Variants in MMP8 observed in about 807,000 individuals in gnomAD.
MMP8 encodes the protein neutrophil collagenase.
A neutral mutation model predicts 51.2 loss-of-function variants in MMP8; 67 were observed. That is an observed-to-expected ratio of 1.31 (90% CI 1.08 to 1.60). The LOEUF (loss-of-function observed/expected upper bound fraction) is 1.60. Ranked by LOEUF, MMP8 falls within the 40% of genes most tolerant of loss-of-function variation. MMP8 has a pLI of 0.00. For synonymous variants in MMP8, 225 were observed against 191.0 expected (o/e 1.18, Z -1.47); for missense variants, 654 against 558.1 (o/e 1.17, Z -1.73).
rs760617694 is a variant in MMP8 at position 102,722,715 on chromosome 11, C to T, written c.103-42G>A. 66 of 1,603,804 alleles carry T rather than the reference C, an allele frequency of 4.1e-5. 2 individuals are homozygous for T. The South Asian group carries it at 6.3e-4, about 15-fold the overall frequency. ...ACATAGGGGTCTTGCTGTGAAAGGACCTCCAGTTCTCTGGTCATTTTGCAA... is the reference window on the plus strand; with the variant it reads ...ACATAGGGGTCTTGCTGTGAAAGGATCTCCAGTTCTCTGGTCATTTTGCAA... On this transcript the variant is annotated intron_variant, in intron 1 of 9. Coordinates refer to ENST00000236826, the MANE Select transcript of MMP8 (RefSeq NM_002424.3).
chr11:102,713,931 T>A (rs1591671008), intron 8 of MMP8, 74 bp from the exon 9 acceptor site: 2 of 1,022,396 alleles, frequency 2.0e-6, no homozygotes, highest in East Asian at 5.2e-5. Context: ...TTATTGTATA[T>A]AATTTACAAA....
intron 5 of MMP8, among the ~76,000 whole-genome samples, chr11:102,717,876 G>A (rs36066709): frequency 0.022 from 3,287 of 152,310 alleles, 41 homozygotes; most frequent in Non-Finnish European, 0.036. Flanking sequence ...GGAGGCTGAG[G>A]TGGGCAGATC....
At chr11:102,724,023 C>T in intron 1 of MMP8, 1 of 194,528 alleles carries the variant, frequency 5.1e-6, no homozygotes, top group Non-Finnish European at 1.1e-5. Context: ...GTAGCAGTTG[C>T]CTTGCATAGA....
intron 3 of MMP8, 21 bp downstream of exon 3, chr11:102,721,593 G>A: frequency 6.2e-7 from 1 of 1,613,510 alleles, no homozygotes; most frequent in South Asian, 1.1e-5. Flanking sequence ...GCAAAACTGA[G>A]CATGACTGCT....
chr11:102,713,336 T>G lies in MMP8; in HGVS notation c.*12A>C. On this transcript the variant is annotated 3_prime_UTR_variant, in exon 10 of 10. Transcript: ENST00000236826. ...CATTCTGAAAGTGGATACAGCCACA[T>G]TTGATTTTGCTTCAGCCATATCTAC... 1 of 1,580,982 alleles carries G rather than the reference T, an allele frequency of 6.3e-7. No individual in the cohort carries two copies. The highest frequency in any genetic ancestry group is 8.7e-7 in the Non-Finnish European group (1 of 1,150,566).
In MMP8 at chr11:102,715,383, A is replaced by T. The variant is rs1861260648; in HGVS notation, c.957T>A (p.Ser319=). ...QLQRVEMNFI[S]LFWPSLPTGI... ...CAGTTGGAAGGGATGGCCAGAATAGAGAAATAAAATTCATTTCGACTCTTT... is the reference window on the plus strand; with the variant it reads ...CAGTTGGAAGGGATGGCCAGAATAGTGAAATAAAATTCATTTCGACTCTTT... The change falls in exon 7 of 10, where the codon TCT becomes TCA. Residue 319 remains serine (S), a synonymous_variant. Transcript: ENST00000236826. 6.2e-7 allele frequency: 1 copy of T among 1,613,730 alleles called. No homozygotes were observed. The highest frequency in any genetic ancestry group is 1.1e-5 in the South Asian group (1 of 91,042).
rs1322703871 is a variant in MMP8 at position 102,715,453 on chromosome 11, G to A, written c.903-16C>T. 6.2e-6 allele frequency: 10 copies of A among 1,607,204 alleles called. No homozygotes were observed. The highest frequency in any genetic ancestry group is 8.5e-6 in the Non-Finnish European group (10 of 1,177,140). On this transcript the variant is annotated splice_polypyrimidine_tract_variant and intron_variant, in intron 6 of 9. Transcript: ENST00000236826. ...CCAGAAGTACCTAACGGAACATAAG[G>A]AAACACACACACACACTTATACATA...
chr11:102,721,261 G>A, intron 4 of MMP8, 140 bp downstream of exon 4: 1 of 1,216,502 alleles, frequency 8.2e-7, no homozygotes, highest in Non-Finnish European at 1.1e-6. Flanking sequence ...GTATCATGAG[G>A]TAGCAAAAAT....
At chr11:102,713,953 C>A (rs957446662) in intron 8 of MMP8, 96 bp from the exon 9 acceptor site, 15 of 720,280 alleles carry the variant, frequency 2.1e-5, no homozygotes, top group Non-Finnish European at 3.4e-5. Context: ...TCTCCTCACA[C>A]ATATTTTTTC....
At chr11:102,715,840 C>T (rs1417446714) in intron 6 of MMP8, among the ~76,000 whole-genome samples, 3 of 152,298 alleles carry the variant, frequency 2.0e-5, no homozygotes, top group Admixed American at 6.5e-5. Flanking sequence ...ATAAAAATTT[C>T]GCTCAGTTTG....
Position 102,714,762 on chromosome 11 carries a change from TTATATATATATATATATATA to T in MMP8, c.1037-73_1037-54del, listed in dbSNP as rs58774554. ...ATACGACTTTTCCATTTTTACAAAA[TTATATATATATATATATATA>T]TATATATATATATATATATATATAC... On this transcript the variant is annotated intron_variant, in intron 7 of 9. Transcript: ENST00000236826. The T allele has an allele frequency of 1.1e-3, 196 of 176,634 alleles. 3 individuals carry two copies. Among genetic ancestry groups the T allele is most frequent in the African/African-American group, 4.6e-3 (118 of 25,860 alleles). The allele number at this position is 176,634 out of a possible 1,614,324, so 10.9% of individuals were successfully genotyped here.
At chr11:102,717,520 G>C (rs991159384) in intron 5 of MMP8, among the ~76,000 whole-genome samples, 1 of 152,058 alleles carries the variant, frequency 6.6e-6, no homozygotes, top group Non-Finnish European at 1.5e-5. Flanking sequence ...TTTTCACAAA[G>C]TACCAAGTTT....
chr11:102,713,805 C>A lies in MMP8; in HGVS notation c.1243G>T (p.Gly415Cys). ...MEPGYPKSISGAFPGIESKVD... is the reference protein window; with the variant it reads ...MEPGYPKSISCAFPGIESKVD... Reference sequence around the variant, plus strand: ...TTACTCTCTATTCCTGGAAAGGCACCTGATATGCTTTTGGGATAACCTGGC... The same window carrying A: ...TTACTCTCTATTCCTGGAAAGGCACATGATATGCTTTTGGGATAACCTGGC... The change falls in exon 9 of 10, where the codon GGT (glycine) becomes TGT (cysteine). Residue 415 changes from glycine (G) to cysteine (C), a missense_variant. Gly to Cys is a radical substitution (Grantham distance 159). Coordinates refer to ENST00000236826, the MANE Select transcript of MMP8 (RefSeq NM_002424.3). 6.2e-7 allele frequency: 1 copy of A among 1,612,600 alleles called. No homozygotes were observed. The highest frequency in any genetic ancestry group is 2.2e-5 in the East Asian group (1 of 44,840).
chr11:102,713,460 A>G lies in MMP8; in HGVS notation c.1295-3T>C. ...TCCACTGAAGACATGGAAGAAATCT[A>G]TAAAAAAAGAGAGATAATTTATTGA... On this transcript the variant is annotated splice_region_variant and splice_polypyrimidine_tract_variant and intron_variant, in intron 9 of 9. Coordinates refer to ENST00000236826, the MANE Select transcript of MMP8 (RefSeq NM_002424.3). 6.3e-7 allele frequency: 1 copy of G among 1,596,968 alleles called. No individual in the cohort carries two copies. The highest frequency in any genetic ancestry group is 8.6e-7 in the Non-Finnish European group (1 of 1,164,630).
intron 7 of MMP8, among the ~76,000 whole-genome samples, 180 bp downstream of exon 7, chr11:102,715,124 C>T (rs1861249751): frequency 6.6e-6 from 1 of 151,992 alleles, no homozygotes; most frequent in Admixed American, 6.6e-5. Flanking sequence ...AAGCAAATAA[C>T]CCACTCAGGT....
chr11:102,722,512 C>G lies in MMP8; in HGVS notation c.264G>C (p.Lys88Asn). Residue 88 changes from lysine (K) to asparagine (N), a missense_variant, in exon 2 of 10, where the codon AAG (lysine) becomes AAC (asparagine). By Grantham distance (94) the Lys-to-Asn change is moderately conservative (BLOSUM62 0). Transcript: ENST00000236826. The part of the protein sequence containing the change: ...PNEETLDMMK[K>N]PRCGVPDSGG... ...CACTGTCAGGCACTCCACAGCGAGG[C>G]TTTTTCATCATGTCCAGAGTTTCCT... 1 of 1,613,972 alleles carries G rather than the reference C, an allele frequency of 6.2e-7. No homozygotes were observed.
intron 1 of MMP8, chr11:102,722,882 G>T: frequency 2.0e-6 from 2 of 1,014,536 alleles, no homozygotes; most frequent in Non-Finnish European, 2.8e-6. Context: ...TAATGGTTAT[G>T]CATAAAAAAG....
At position 102,713,701 on chromosome 11, in the gene MMP8, T is replaced by A. The variant is rs957414911; in HGVS notation, c.1294+53A>T. 10 of 1,452,852 alleles carry A rather than the reference T, an allele frequency of 6.9e-6. No individual in the cohort carries two copies. The African/African-American group carries it at 1.4e-4, about 21-fold the overall frequency. 90.0% of individuals were successfully genotyped at this position (1,452,852 alleles called of 1,614,324 possible). ...GTCAGCATAGTAAGACCCTGTCTCC[T>A]CTATAATAAACAAACAAACAACACA... On this transcript the variant is annotated intron_variant, in intron 9 of 9. Coordinates refer to ENST00000236826, the MANE Select transcript of MMP8 (RefSeq NM_002424.3).
At chr11:102,723,383 C>G (rs1565442642) in intron 1 of MMP8, 1 of 378,574 alleles carries the variant, frequency 2.6e-6, no homozygotes, top group East Asian at 7.3e-5. Context: ...CTGTGAACAC[C>G]TGGCACCTTG....
Sources: gnomAD v4.1 joint callset for allele counts (sites outside exome capture counted in the v4.1 genomes callset) on GRCh38, gnomAD v4.1.1 for gene constraint, MANE v1.5 for transcripts, NCBI Gene and HGNC (gene_info 2026-07-23, HGNC 2026-07-21) for gene names.